The following SPOCK3 variants were observed in gnomAD, a reference collection of about 807,000 sequenced individuals.
SPOCK3 encodes SPARC (osteonectin), cwcv and kazal like domains proteoglycan 3.
A neutral mutation model predicts 56.6 loss-of-function variants in SPOCK3; 30 were observed. The ratio of observed to expected loss-of-function variants is 0.53; its 90% CI spans 0.40 to 0.72. The LOEUF (loss-of-function observed/expected upper bound fraction) is 0.72, where lower values mean the gene tolerates loss of function less well. Among genes scored for constraint, SPOCK3 ranks in the 30% least tolerant of loss-of-function variants. The probability of loss-of-function intolerance (pLI) is 0.00; values close to 1 mark genes in which losing one functional copy is unlikely to be tolerated. For synonymous variants in SPOCK3, 196 were observed against 183.3 expected, an observed-to-expected ratio of 1.07 and a Z score of -0.56; for missense variants, 527 against 530.0, an observed-to-expected ratio of 0.99 and a Z score of 0.06.
At chr4:166,912,544 A>C in intron 5 of SPOCK3, 76 bp downstream of exon 5, 1 of 1,344,148 alleles carries the variant, frequency 7.4e-7, no homozygotes, top group Non-Finnish European at 1.1e-6. Flanking sequence ...ATCACATTGG[A>C]TAAGCAATGG....
intron 2 of SPOCK3, among the ~76,000 whole-genome samples, chr4:167,129,604 T>G (rs1762547823): frequency 6.6e-6 from 1 of 152,180 alleles, no homozygotes; most frequent in Non-Finnish European, 1.5e-5. Context: ...TTCATTTCCT[T>G]GTCACTCCAA....
intron 6 of SPOCK3, among the ~76,000 whole-genome samples, chr4:166,819,507 GAACT>G (rs1744704600): frequency 1.3e-5 from 2 of 151,860 alleles, no homozygotes; most frequent in Admixed American, 1.3e-4. Context: ...ACAATTAATA[GAACT>G]AATAAAGGAG....
intron 2 of SPOCK3, among the ~76,000 whole-genome samples, chr4:167,079,729 G>A (rs1170446249): frequency 6.6e-6 from 1 of 151,934 alleles, no homozygotes; most frequent in Admixed American, 6.6e-5. Flanking sequence ...AAGCAAATTC[G>A]ATATCAAACA....
intron 5 of SPOCK3, among the ~76,000 whole-genome samples, chr4:166,897,310 A>G (rs575288721): frequency 6.6e-6 from 1 of 152,248 alleles, no homozygotes; most frequent in Non-Finnish European, 1.5e-5. Flanking sequence ...AGACACTGGC[A>G]GCCTTTTGTT....
chr4:167,140,161 T>G lies in SPOCK3; in HGVS notation c.190-77624A>C, dbSNP rs1004833178. ...TTACCTTTGATTTCCTTCTGTGAGATGATGCATTAGTTTACTTTTAAATTT... is the reference window on the plus strand; with the variant it reads ...TTACCTTTGATTTCCTTCTGTGAGAGGATGCATTAGTTTACTTTTAAATTT... On this transcript the variant is annotated intron_variant, in intron 2 of 10. Transcript: ENST00000357545. Among the ~76,000 whole-genome samples the G allele has an allele frequency of 9.9e-5, 15 of 152,208 alleles. No individual in the cohort carries two copies. The Middle Eastern group carries it at 0.01, about 104-fold the overall frequency.
At chr4:167,218,034 A>G (rs1003298103) in intron 2 of SPOCK3, among the ~76,000 whole-genome samples, 2 of 152,154 alleles carry the variant, frequency 1.3e-5, no homozygotes, top group African/African-American at 4.8e-5. Context: ...TGAAAGTCCA[A>G]TAACTAAGAA....
At chr4:167,198,735 T>C (rs933723640) in intron 2 of SPOCK3, among the ~76,000 whole-genome samples, 3 of 152,152 alleles carry the variant, frequency 2.0e-5, no homozygotes, top group Non-Finnish European at 4.4e-5. Flanking sequence ...AGAACGATAG[T>C]TCAAATCTGA....
chr4:167,182,940 G>A lies in SPOCK3; in HGVS notation c.189+51045C>T, dbSNP rs147099283. Among the ~76,000 whole-genome samples, 429 of 152,200 alleles carry A rather than the reference G, an allele frequency of 2.8e-3. 2 individuals carry two copies. The highest frequency in any genetic ancestry group is 0.014 in the Middle Eastern group (4 of 294). On this transcript the variant is annotated intron_variant, in intron 2 of 10. Transcript: ENST00000357545. Reference sequence around the variant, plus strand: ...CCATGGCATCATCATTGACAAAGCAGGTGCCTATCCCTTAACTTTGCATCC... The same window carrying A: ...CCATGGCATCATCATTGACAAAGCAAGTGCCTATCCCTTAACTTTGCATCC...
intron 2 of SPOCK3, among the ~76,000 whole-genome samples, chr4:167,125,191 T>TATTTA (rs71604469): frequency 7.0e-6 from 1 of 142,492 alleles, no homozygotes; most frequent in Non-Finnish European, 1.5e-5. Flanking sequence ...CACAGAGATT[T>TATTTA]TTTATTTATT....
intron 4 of SPOCK3, among the ~76,000 whole-genome samples, chr4:166,927,956 C>G (rs543983204): frequency 6.6e-6 from 1 of 152,122 alleles, no homozygotes; most frequent in Non-Finnish European, 1.5e-5. Flanking sequence ...GATATGCATA[C>G]GGCAAATAAG....
At chr4:166,881,964 T>C (rs531449903) in intron 6 of SPOCK3, among the ~76,000 whole-genome samples, 1 of 152,164 alleles carries the variant, frequency 6.6e-6, no homozygotes, top group Non-Finnish European at 1.5e-5. Flanking sequence ...TACAAGTAAA[T>C]GCTGTTGAAT....
At chr4:167,040,036 C>T (rs1357927129) in intron 3 of SPOCK3, among the ~76,000 whole-genome samples, 1 of 152,200 alleles carries the variant, frequency 6.6e-6, no homozygotes, top group East Asian at 1.9e-4. Context: ...GTAAAGCCCA[C>T]ACTCAAGTCT....
intron 2 of SPOCK3, among the ~76,000 whole-genome samples, chr4:167,131,534 C>A (rs1258143007): frequency 6.6e-6 from 1 of 152,028 alleles, no homozygotes; most frequent in East Asian, 1.9e-4. Context: ...ACCTGGGAGG[C>A]GGAGATTGCA....
intron 3 of SPOCK3, among the ~76,000 whole-genome samples, chr4:167,059,320 C>A (rs1456078552): frequency 6.6e-6 from 1 of 152,094 alleles, no homozygotes; most frequent in African/African-American, 2.4e-5. Context: ...AAACAAACAA[C>A]CCCATCAAAA....
At chr4:166,815,756 C>T (rs1431791835) in intron 6 of SPOCK3, among the ~76,000 whole-genome samples, 2 of 152,036 alleles carry the variant, frequency 1.3e-5, no homozygotes, top group African/African-American at 4.8e-5. Flanking sequence ...ACCTCGGCTA[C>T]AGAGCAAGAC....
intron 8 of SPOCK3, among the ~76,000 whole-genome samples, chr4:166,744,444 A>T (rs1735296935): frequency 1.3e-5 from 2 of 152,214 alleles, no homozygotes; most frequent in African/African-American, 4.8e-5. Context: ...AGTAACATCG[A>T]CAAAAAGGAC....
rs543880450 is a variant in SPOCK3 at position 167,126,654 on chromosome 4, T to C, written c.190-64117A>G. Among the ~76,000 whole-genome samples, 13 of 151,580 alleles carry C rather than the reference T, an allele frequency of 8.6e-5. No individual in the cohort carries two copies. In the East Asian group the frequency reaches 2.5e-3, roughly 30 times the overall value. ...AAAAAAAAATCCTTAAAATAGACAA[T>C]GGTCTTCTTCTCAGGCCCACTATAC... On this transcript the variant is annotated intron_variant, in intron 2 of 10. Coordinates refer to ENST00000357545, the MANE Select transcript of SPOCK3 (RefSeq NM_001040159.2).
intron 3 of SPOCK3, among the ~76,000 whole-genome samples, chr4:167,021,038 T>G (rs1751122657): frequency 6.6e-6 from 1 of 152,066 alleles, no homozygotes; most frequent in East Asian, 1.9e-4. Flanking sequence ...GAAGAAGCAC[T>G]TGTTAAGTTG....
intron 4 of SPOCK3, among the ~76,000 whole-genome samples, chr4:166,921,575 C>T (rs1424162787): frequency 2.0e-5 from 3 of 152,236 alleles, no homozygotes; most frequent in Admixed American, 1.3e-4. Flanking sequence ...CTTGGCCTCC[C>T]AAAGTGCTGT....
Sources: allele counts gnomAD v4.1 joint callset (sites outside exome capture counted in the v4.1 genomes callset), GRCh38; gene constraint gnomAD v4.1.1; transcripts MANE v1.5; gene names NCBI Gene and HGNC (gene_info 2026-07-23, HGNC 2026-07-21).